The following CNTN6 variants were observed in gnomAD, a reference collection of about 807,000 sequenced individuals.
CNTN6 encodes contactin 6.
CNTN6 carries 137 observed loss-of-function variants against 122.8 expected under a neutral mutation model. That is an observed-to-expected ratio of 1.12 (90% CI 0.97 to 1.29). The LOEUF is 1.29. Among genes scored for constraint, CNTN6 ranks in the 50% most tolerant of loss-of-function variants. The pLI is 0.00. For synonymous variants in CNTN6, 570 were observed against 426.0 expected, an observed-to-expected ratio of 1.34 and a Z score of -4.16; for missense variants, 1,634 against 1,223.4, an observed-to-expected ratio of 1.34 and a Z score of -5.01.
In CNTN6 at chr3:1,098,309, C is replaced by T. The variant is rs143409485; in HGVS notation, c.-83+5189C>T. 4.8e-3 allele frequency among the ~76,000 whole-genome samples: 724 copies of T among 151,944 alleles called. 4 individuals carry two copies. Among genetic ancestry groups the T allele is most frequent in the Non-Finnish European group, 7.8e-3 (527 of 67,940 alleles). ...ATTTTTTGATTATAAAAGCAATGAA[C>T]AGAAAAGCACGAGAACAAATAAGCC... On this transcript the variant is annotated intron_variant, in intron 1 of 22. Coordinates refer to ENST00000446702, the MANE Select transcript of CNTN6 (RefSeq NM_001289080.2).
intron 5 of CNTN6, among the ~76,000 whole-genome samples, chr3:1,287,522 C>G (rs1402184895): frequency 6.6e-6 from 1 of 152,128 alleles, no homozygotes; most frequent in Non-Finnish European, 1.5e-5. Context: ...CTTGCTTGGT[C>G]TCCCTAAGAA....
chr3:1,325,836 A>G lies in CNTN6; in HGVS notation c.968A>G (p.Lys323Arg). The change falls in exon 9 of 23, where the codon AAA (lysine) becomes AGA (arginine). Residue 323 changes from lysine to arginine, a missense_variant. Coordinates refer to ENST00000446702, the MANE Select transcript of CNTN6 (RefSeq NM_001289080.2). Reference sequence around the variant, plus strand: ...ACAGCTCCTCCAGAATGGGAACAGAAAATCCAAAATACACACCTCTCTATC... The same window carrying G: ...ACAGCTCCTCCAGAATGGGAACAGAGAATCCAAAATACACACCTCTCTATC... ...IFYAPPEWEQ[K>R]IQNTHLSIYD... The G allele has an allele frequency of 6.2e-7, 1 of 1,610,628 alleles. No homozygotes were observed. The highest frequency in any genetic ancestry group is 8.5e-7 in the Non-Finnish European group (1 of 1,178,342).
chr3:1,386,411 T>C lies in CNTN6; in HGVS notation c.2704+614T>C, dbSNP rs116457326. 4.4e-3 allele frequency among the ~76,000 whole-genome samples: 677 copies of C among 152,296 alleles called. 7 individuals are homozygous for C. Among genetic ancestry groups the C allele is most frequent in the African/African-American group, 0.015 (642 of 41,566 alleles). On this transcript the variant is annotated intron_variant, in intron 20 of 22. Transcript: ENST00000446702. ...GAATGAACTCTTCTGTTTTGTCTTA[T>C]ATCCCCTGATAATCAGCCAGGTGAT...
chr3:1,110,280 T>C (rs959517414), intron 1 of CNTN6, among the ~76,000 whole-genome samples: 3 of 152,110 alleles, frequency 2.0e-5, no homozygotes, highest in Non-Finnish European at 4.4e-5. Context: ...TTAAAACATA[T>C]CCAACTCTGC....
intron 4 of CNTN6, among the ~76,000 whole-genome samples, chr3:1,262,162 C>A (rs559797507): frequency 3.9e-5 from 6 of 152,058 alleles, no homozygotes; most frequent in Non-Finnish European, 4.4e-5. Context: ...TACAGATGTG[C>A]GGCATTAAAC....
intron 1 of CNTN6, among the ~76,000 whole-genome samples, chr3:1,106,587 A>G (rs1023947291): frequency 8.5e-5 from 13 of 152,084 alleles, no homozygotes; most frequent in African/African-American, 3.1e-4. Context: ...TTTAGTAATA[A>G]ATATTAAAGC....
At chr3:1,314,214 C>T (rs1026790672) in intron 7 of CNTN6, among the ~76,000 whole-genome samples, 1 of 152,092 alleles carries the variant, frequency 6.6e-6, no homozygotes, top group Non-Finnish European at 1.5e-5. Context: ...ACATTCCAAG[C>T]TCTTTGTATG....
intron 20 of CNTN6, among the ~76,000 whole-genome samples, chr3:1,388,406 A>G (rs1228458877): frequency 1.3e-5 from 2 of 150,706 alleles, no homozygotes; most frequent in African/African-American, 4.9e-5. Context: ...CCAAAAACCC[A>G]TCTGTACATC....
intron 20 of CNTN6, among the ~76,000 whole-genome samples, chr3:1,391,557 C>A (rs1416579515): frequency 2.9e-5 from 4 of 139,160 alleles, no homozygotes; most frequent in African/African-American, 1.1e-4. Context: ...CTGGCCAGGG[C>A]AATTAGGCAG....
chr3:1,113,643 A>G (rs1311370483), intron 1 of CNTN6, among the ~76,000 whole-genome samples: 25 of 152,170 alleles, frequency 1.6e-4, no homozygotes, highest in Admixed American at 1.6e-3. Flanking sequence ...CAATGAGACT[A>G]TTGAATATAT....
Position 1,194,961 on chromosome 3 carries a change from A to C in CNTN6, c.56-25726A>C, listed in dbSNP as rs540914084. Among the ~76,000 whole-genome samples, 8 of 152,236 alleles carry C rather than the reference A, an allele frequency of 5.3e-5. No individual in the cohort carries two copies. The South Asian group carries it at 1.7e-3, about 32-fold the overall frequency. On this transcript the variant is annotated intron_variant, in intron 2 of 22. Transcript: ENST00000446702. ...GTTAGGCAATTCTTAGAGATTAAAA[A>C]AAAAGACTCCCCTTCCAGCATCCTT... is the stretch of plus-strand genomic sequence containing the variant.
chr3:1,187,536 T>C (rs1354413482), intron 2 of CNTN6, among the ~76,000 whole-genome samples: 1 of 152,154 alleles, frequency 6.6e-6, no homozygotes, highest in East Asian at 1.9e-4. Context: ...TTCTGTAGTT[T>C]CCCTCCTCTA....
intron 11 of CNTN6, among the ~76,000 whole-genome samples, chr3:1,349,383 T>C (rs1339398676): frequency 6.6e-6 from 1 of 151,840 alleles, no homozygotes; most frequent in East Asian, 1.9e-4. Flanking sequence ...TTATCTATTC[T>C]TCTGGCTGTG....
intron 2 of CNTN6, among the ~76,000 whole-genome samples, chr3:1,178,200 C>A: frequency 6.6e-6 from 1 of 152,122 alleles, no homozygotes; most frequent in East Asian, 1.9e-4. Context: ...CACGCCCGGC[C>A]TCCCCTGCAC....
In CNTN6 at chr3:1,243,532, C is replaced by T. The variant is rs370271251; in HGVS notation, c.358+15539C>T. Among the ~76,000 whole-genome samples, 582 of 151,958 alleles carry T rather than the reference C, an allele frequency of 3.8e-3. 9 individuals are homozygous for T. The highest frequency in any genetic ancestry group is 0.012 in the African/African-American group (515 of 41,476). On this transcript the variant is annotated intron_variant, in intron 4 of 22. Coordinates refer to ENST00000446702, the MANE Select transcript of CNTN6 (RefSeq NM_001289080.2). ...AATAAAATGTATTTTGAGAATAAGACGGCCTTTTGACCTTTTAGGGTCTAG... is the reference window on the plus strand; with the variant it reads ...AATAAAATGTATTTTGAGAATAAGATGGCCTTTTGACCTTTTAGGGTCTAG...
chr3:1,301,425 A>G (rs1697393356), intron 7 of CNTN6, among the ~76,000 whole-genome samples: 1 of 152,252 alleles, frequency 6.6e-6, no homozygotes, highest in Admixed American at 6.5e-5. Context: ...CTCAAAATGT[A>G]AAATCTGATG....
intron 1 of CNTN6, among the ~76,000 whole-genome samples, chr3:1,138,753 A>T (rs943273641): frequency 6.6e-6 from 1 of 151,824 alleles, no homozygotes; most frequent in Non-Finnish European, 1.5e-5. Context: ...TTAGTTTTTT[A>T]AAAAATTTGG....
intron 16 of CNTN6, among the ~76,000 whole-genome samples, chr3:1,374,583 G>C (rs1258545037): frequency 6.6e-6 from 1 of 151,986 alleles, no homozygotes; most frequent in Non-Finnish European, 1.5e-5. Context: ...GCATTAATTG[G>C]TTCACTGAAC....
chr3:1,330,044 A>G lies in CNTN6; in HGVS notation c.1364+109A>G, dbSNP rs547015988. 175 of 739,742 alleles carry G rather than the reference A, an allele frequency of 2.4e-4. 1 individual carries two copies. In the South Asian group the frequency reaches 4.9e-3, roughly 21 times the overall value. The allele number at this position is 739,742 out of a possible 1,614,324, so 45.8% of individuals were successfully genotyped here. Reference sequence around the variant, plus strand: ...ATTTCCTCTTTTATGATAAAGTCTCATTGGCATACCTAGAGACGCCAGCAT... The same window carrying G: ...ATTTCCTCTTTTATGATAAAGTCTCGTTGGCATACCTAGAGACGCCAGCAT... On this transcript the variant is annotated intron_variant, in intron 11 of 22. Coordinates refer to ENST00000446702, the MANE Select transcript of CNTN6 (RefSeq NM_001289080.2).
Sources: gnomAD v4.1 joint callset for allele counts (sites outside exome capture counted in the v4.1 genomes callset) on GRCh38, gnomAD v4.1.1 for gene constraint, MANE v1.5 for transcripts, NCBI Gene and HGNC (gene_info 2026-07-23, HGNC 2026-07-21) for gene names.